Variants in MSRB3 observed in about 807,000 individuals in gnomAD.
The protein encoded by MSRB3 is methionine sulfoxide reductase B3.
MSRB3 carries 13 observed loss-of-function variants against 21.0 expected under a neutral mutation model. That is an observed-to-expected ratio of 0.62 (90% CI 0.40 to 0.98). The LOEUF (loss-of-function observed/expected upper bound fraction) is 0.98. Among genes scored for constraint, MSRB3 ranks in the 50% least tolerant of loss-of-function variants. MSRB3 has a pLI of 0.00. For missense variants in MSRB3, 199 were observed against 230.3 expected, an observed-to-expected ratio of 0.86 and a Z score of 0.88; for synonymous variants, 87 against 88.6, an observed-to-expected ratio of 0.98 and a Z score of 0.10.
Position 65,371,043 on chromosome 12 carries a change from T to C in MSRB3, c.292+2017T>C, listed in dbSNP as rs141556304. Among the ~76,000 whole-genome samples the C allele has an allele frequency of 3.3e-3, 501 of 152,278 alleles. 5 individuals carry two copies. The highest frequency in any genetic ancestry group is 0.011 in the African/African-American group (465 of 41,562). The stretch of plus-strand genomic sequence containing the variant: ...AATTTTGGTTAGAAATAAGGTAGCA[T>C]AGGGCCGGGCACAGTGGCCCATGCC... On this transcript the variant is annotated intron_variant, in intron 5 of 6. Transcript: ENST00000308259.
intron 4 of MSRB3, among the ~76,000 whole-genome samples, chr12:65,361,498 T>C (rs933900781): frequency 2.6e-5 from 4 of 152,170 alleles, no homozygotes; most frequent in Non-Finnish European, 4.4e-5. Context: ...AGAGGTCAAT[T>C]TGTGGAAAAA....
chr12:65,321,199 T>G (rs567024479), intron 2 of MSRB3, among the ~76,000 whole-genome samples: 3 of 152,280 alleles, frequency 2.0e-5, no homozygotes, highest in African/African-American at 7.2e-5. Context: ...CTTCCCTTAC[T>G]CCTGCTGGAA....
intron 5 of MSRB3, among the ~76,000 whole-genome samples, chr12:65,449,247 C>A (rs1393057606): frequency 1.3e-5 from 2 of 150,746 alleles, no homozygotes; most frequent in Non-Finnish European, 3.0e-5. Flanking sequence ...TTGTATTAGC[C>A]AGGATGGTCT....
intron 6 of MSRB3, among the ~76,000 whole-genome samples, chr12:65,461,819 C>G (rs1203832688): frequency 6.6e-6 from 1 of 152,160 alleles, no homozygotes; most frequent in African/African-American, 2.4e-5. Flanking sequence ...ATACTCTTAC[C>G]TAAATCTTGA....
At chr12:65,341,809 A>G (rs1019987390) in intron 4 of MSRB3, among the ~76,000 whole-genome samples, 2 of 151,994 alleles carry the variant, frequency 1.3e-5, no homozygotes, top group Non-Finnish European at 2.9e-5. Context: ...GGTTTATTTC[A>G]GGGATGTACA....
chr12:65,463,848 T>C lies in MSRB3; in HGVS notation c.*526T>C. On this transcript the variant is annotated 3_prime_UTR_variant, in exon 7 of 7. Transcript: ENST00000308259. ...CTAAGGTCATTTTTTTTTTTCTCACTGAAAGGGTGTGAAGGTCTAAAGTCT... is the reference window on the plus strand; with the variant it reads ...CTAAGGTCATTTTTTTTTTTCTCACCGAAAGGGTGTGAAGGTCTAAAGTCT... 1 of 158,008 alleles carries C rather than the reference T, an allele frequency of 6.3e-6. No individual in the cohort carries two copies. Among genetic ancestry groups the C allele is most frequent in the Non-Finnish European group, 1.4e-5 (1 of 71,668 alleles). The allele number at this position is 158,008 out of a possible 1,614,324, so 9.8% of individuals were successfully genotyped here.
At chr12:65,386,931 A>T (rs1243693409) in intron 5 of MSRB3, among the ~76,000 whole-genome samples, 1 of 152,032 alleles carries the variant, frequency 6.6e-6, no homozygotes, top group Non-Finnish European at 1.5e-5. Flanking sequence ...GTCATAAGTG[A>T]AAGGGTAGAA....
intron 4 of MSRB3, among the ~76,000 whole-genome samples, chr12:65,330,893 A>G (rs1299004526): frequency 3.3e-5 from 5 of 152,178 alleles, no homozygotes; most frequent in South Asian, 2.1e-4. Flanking sequence ...CTTAAGTGAG[A>G]AGGCTGCCAT....
chr12:65,413,008 G>GTTAAC (rs1162994062), intron 5 of MSRB3, among the ~76,000 whole-genome samples: 4 of 152,136 alleles, frequency 2.6e-5, no homozygotes, highest in African/African-American at 9.7e-5. Flanking sequence ...ACTCCATCTG[G>GTTAAC]TCCCTCCCTT....
chr12:65,362,596 T>C (rs1489803883), intron 4 of MSRB3, among the ~76,000 whole-genome samples: 1 of 152,154 alleles, frequency 6.6e-6, no homozygotes, highest in Non-Finnish European at 1.5e-5. Flanking sequence ...CAAATAGCTA[T>C]TATGCACAAA....
chr12:65,376,757 C>T (rs1878648513), intron 5 of MSRB3, among the ~76,000 whole-genome samples: 1 of 152,094 alleles, frequency 6.6e-6, no homozygotes, highest in African/African-American at 2.4e-5. Context: ...TGCAGCAAAT[C>T]ACCATAGCAC....
chr12:65,330,254 G>A (rs966336514), intron 4 of MSRB3, among the ~76,000 whole-genome samples: 2 of 152,164 alleles, frequency 1.3e-5, no homozygotes, highest in Non-Finnish European at 2.9e-5. Context: ...AATCCTAAAA[G>A]CAAGACCCTT....
intron 5 of MSRB3, among the ~76,000 whole-genome samples, chr12:65,418,251 C>T (rs983913671): frequency 2.6e-5 from 4 of 152,134 alleles, no homozygotes; most frequent in African/African-American, 9.7e-5. Context: ...ATTACAGGAG[C>T]AAGTCACCAC....
chr12:65,442,600 C>A (rs180998774), intron 5 of MSRB3, among the ~76,000 whole-genome samples: 66 of 152,168 alleles, frequency 4.3e-4, no homozygotes, highest in Non-Finnish European at 4.3e-4. Flanking sequence ...TCTGATGTAG[C>A]TAATAAATTC....
chr12:65,458,745 G>A (rs531114448), intron 6 of MSRB3, among the ~76,000 whole-genome samples: 3 of 152,148 alleles, frequency 2.0e-5, no homozygotes, highest in South Asian at 2.1e-4. Context: ...AAATTTACTC[G>A]CTTTGGTGGG....
intron 5 of MSRB3, among the ~76,000 whole-genome samples, chr12:65,399,358 C>G (rs570527523): frequency 6.6e-6 from 1 of 152,212 alleles, no homozygotes; most frequent in South Asian, 2.1e-4. Context: ...ATTTTATTCT[C>G]TTTGTACCTA....
intron 5 of MSRB3, among the ~76,000 whole-genome samples, chr12:65,369,889 C>T (rs1304803842): frequency 6.6e-6 from 1 of 152,060 alleles, no homozygotes; most frequent in Non-Finnish European, 1.5e-5. Context: ...TATATGGTAA[C>T]TTTAAAAATG....
At chr12:65,380,527 A>G (rs1421997421) in intron 5 of MSRB3, among the ~76,000 whole-genome samples, 1 of 152,158 alleles carries the variant, frequency 6.6e-6, no homozygotes, top group Non-Finnish European at 1.5e-5. Context: ...GTGAGCCAAG[A>G]TCGCACCACT....
At chr12:65,445,556 G>A (rs944441902) in intron 5 of MSRB3, among the ~76,000 whole-genome samples, 2 of 150,980 alleles carry the variant, frequency 1.3e-5, no homozygotes, top group African/African-American at 4.9e-5. Context: ...AATTTTATTT[G>A]CATTTTTATC....
Sources: gnomAD v4.1 joint callset for allele counts (sites outside exome capture counted in the v4.1 genomes callset) on GRCh38, gnomAD v4.1.1 for gene constraint, MANE v1.5 for transcripts, NCBI Gene and HGNC (gene_info 2026-07-23, HGNC 2026-07-21) for gene names.